Variants in WDFY2 observed in about 807,000 individuals in gnomAD.
The protein encoded by WDFY2 is WD repeat and FYVE domain-containing protein 2.
WDFY2 carries 36 observed loss-of-function variants against 56.4 expected under a neutral mutation model. That is an observed-to-expected ratio of 0.64 (90% confidence interval 0.49 to 0.84). The LOEUF (loss-of-function observed/expected upper bound fraction) is 0.84. WDFY2 is among the 40% of genes least tolerant of loss of function. The pLI is 0.00. For synonymous variants in WDFY2, 176 were observed against 183.7 expected (o/e 0.96, Z 0.34); for missense variants, 444 against 512.2 (o/e 0.87, Z 1.29).
At chr13:51,721,998 G>C (rs1363286107) in intron 5 of WDFY2, among the ~76,000 whole-genome samples, 1 of 116,744 alleles carries the variant, frequency 8.6e-6, no homozygotes, top group African/African-American at 3.5e-5. Flanking sequence ...ACCCTTCTCT[G>C]TTCCTTCTTT....
intron 1 of WDFY2, among the ~76,000 whole-genome samples, chr13:51,628,633 C>G (rs1954886545): frequency 6.6e-6 from 1 of 152,220 alleles, no homozygotes; most frequent in Non-Finnish European, 1.5e-5. Context: ...TGCAGCCGGC[C>G]TCTTCCGAGT....
intron 7 of WDFY2, among the ~76,000 whole-genome samples, chr13:51,740,521 C>G (rs1257483895): frequency 6.6e-6 from 1 of 152,188 alleles, no homozygotes; most frequent in Non-Finnish European, 1.5e-5. Flanking sequence ...TGAGACCAGC[C>G]TGGCCAACAT....
chr13:51,604,404 A>G (rs1438564685), intron 1 of WDFY2, among the ~76,000 whole-genome samples: 3 of 152,106 alleles, frequency 2.0e-5, no homozygotes, highest in East Asian at 1.9e-4. Flanking sequence ...GAATCAGACT[A>G]TGTCTTGATT....
intron 4 of WDFY2, among the ~76,000 whole-genome samples, chr13:51,710,107 T>A (rs561203400): frequency 4.0e-4 from 61 of 152,304 alleles, no homozygotes; most frequent in African/African-American, 1.4e-3. Context: ...GTAGGCTTCA[T>A]CCCTGGGATG....
chr13:51,599,042 A>G (rs759294300), intron 1 of WDFY2, among the ~76,000 whole-genome samples: 3 of 150,562 alleles, frequency 2.0e-5, no homozygotes, highest in East Asian at 2.0e-4. Context: ...CTGAGTAGCT[A>G]GCACTGCAGG....
At chr13:51,751,554 T>C (rs960793886) in intron 8 of WDFY2, 139 bp downstream of exon 8, 3 of 848,598 alleles carry the variant, frequency 3.5e-6, no homozygotes, top group African/African-American at 3.5e-5. Flanking sequence ...AGGAGTTGTT[T>C]GGGTTGTTTT....
chr13:51,746,596 G>A (rs1332396766), intron 7 of WDFY2, among the ~76,000 whole-genome samples: 1 of 152,226 alleles, frequency 6.6e-6, no homozygotes, highest in African/African-American at 2.4e-5. Flanking sequence ...CTGAATCGAT[G>A]CAAATAACTA....
chr13:51,745,001 C>G (rs1341188818), intron 7 of WDFY2, among the ~76,000 whole-genome samples: 1 of 152,214 alleles, frequency 6.6e-6, no homozygotes, highest in African/African-American at 2.4e-5. Context: ...GGAATATTAA[C>G]AGCACTGGAG....
intron 4 of WDFY2, 132 bp downstream of exon 4, chr13:51,703,782 A>C (rs138440253): frequency 1.4e-6 from 1 of 737,296 alleles, no homozygotes; most frequent in African/African-American, 1.8e-5. Context: ...AGTGAGTGTT[A>C]TCCCTGTGTT....
intron 6 of WDFY2, among the ~76,000 whole-genome samples, chr13:51,728,954 C>T (rs1339392673): frequency 2.0e-5 from 3 of 152,156 alleles, no homozygotes; most frequent in Non-Finnish European, 4.4e-5. Flanking sequence ...TCCTCCAATT[C>T]CCTACACCTT....
At chr13:51,674,318 G>A (rs1955852022) in intron 2 of WDFY2, among the ~76,000 whole-genome samples, 1 of 152,190 alleles carries the variant, frequency 6.6e-6, no homozygotes, top group South Asian at 2.1e-4. Context: ...TCAGTATTGG[G>A]TAAATTGTCA....
intron 1 of WDFY2, among the ~76,000 whole-genome samples, chr13:51,634,166 T>C (rs1955003965): frequency 6.6e-6 from 1 of 152,308 alleles, no homozygotes; most frequent in Admixed American, 6.5e-5. Flanking sequence ...AATTCTCAGG[T>C]CATTAAAACT....
intron 1 of WDFY2, among the ~76,000 whole-genome samples, chr13:51,614,771 C>T (rs1476455939): frequency 2.6e-5 from 4 of 152,124 alleles, no homozygotes; most frequent in Non-Finnish European, 4.4e-5. Context: ...TGGCCGGGCA[C>T]GTTGTCACCC....
At chr13:51,614,554 A>G (rs1410289448) in intron 1 of WDFY2, among the ~76,000 whole-genome samples, 1 of 152,166 alleles carries the variant, frequency 6.6e-6, no homozygotes, top group Non-Finnish European at 1.5e-5. Flanking sequence ...AAGCCTCACG[A>G]TGGCTGCTCT....
At chr13:51,603,671 C>G (rs1287986839) in intron 1 of WDFY2, among the ~76,000 whole-genome samples, 1 of 152,114 alleles carries the variant, frequency 6.6e-6, no homozygotes, top group East Asian at 1.9e-4. Context: ...GTTGTAAGAC[C>G]TGAGTTAAAA....
intron 1 of WDFY2, among the ~76,000 whole-genome samples, chr13:51,630,478 T>TTA (rs1193373352): frequency 1.3e-5 from 2 of 151,862 alleles, no homozygotes; most frequent in Non-Finnish European, 2.9e-5. Flanking sequence ...TTTTTTTTTT[T>TTA]TATGTTTGGG....
rs1953598807 is a variant in WDFY2, at chr13:51,761,985, T to G, written c.*2216T>G. Reference sequence around the variant, plus strand: ...CTACTTTGAGTCTTTTCTGCATGATTGCTCTTTGAGAGAACTTTAACAAGG... The same window carrying G: ...CTACTTTGAGTCTTTTCTGCATGATGGCTCTTTGAGAGAACTTTAACAAGG... On this transcript the variant is annotated 3_prime_UTR_variant, in exon 12 of 12. Transcript: ENST00000298125. 6.6e-6 allele frequency: 1 copy of G among 152,262 alleles called. No individual in the cohort carries two copies. Among genetic ancestry groups the G allele is most frequent in the South Asian group, 2.1e-4 (1 of 4,834 alleles). 9.4% of individuals were successfully genotyped at this position (152,262 alleles called of 1,614,324 possible).
intron 3 of WDFY2, among the ~76,000 whole-genome samples, chr13:51,687,945 T>A (rs1956089274): frequency 6.6e-6 from 1 of 151,846 alleles, no homozygotes; most frequent in South Asian, 2.1e-4. Flanking sequence ...AGACACTAGA[T>A]CAAAGGCTAG....
At chr13:51,679,278 GC>G (rs1366879884) in intron 3 of WDFY2, among the ~76,000 whole-genome samples, 1 of 152,144 alleles carries the variant, frequency 6.6e-6, no homozygotes. Flanking sequence ...CTGAGTAATT[GC>G]TATAGGATAG....
Sources: gnomAD v4.1 joint callset for allele counts (sites outside exome capture counted in the v4.1 genomes callset) on GRCh38, gnomAD v4.1.1 for gene constraint, MANE v1.5 for transcripts, NCBI Gene and HGNC (gene_info 2026-07-23, HGNC 2026-07-21) for gene names.